The following ACTR3C variants were observed in gnomAD, a reference collection of about 807,000 sequenced individuals.
The protein encoded by ACTR3C is actin-related protein 3C.
In ACTR3C, 18 loss-of-function variants were observed where a neutral mutation model predicts 26.3. The ratio of observed to expected loss-of-function variants is 0.68; its 90% CI spans 0.47 to 1.01. The LOEUF is 1.01. Among genes scored for constraint, ACTR3C ranks in the 50% least tolerant of loss-of-function variants. The pLI, the probability that ACTR3C is intolerant of heterozygous loss-of-function variation, is 0.00. For synonymous variants in ACTR3C, 55 were observed against 94.5 expected (o/e 0.58, Z 2.42); for missense variants, 184 against 250.7 (o/e 0.73, Z 1.80).
the ACTR3C span, among the ~76,000 whole-genome samples, chr7:150,138,546 A>C: frequency 6.6e-6 from 1 of 152,230 alleles, no homozygotes; most frequent in Admixed American, 6.5e-5. Context: ...GGCTCTTGTA[A>C]GATAAAGTCT....
At chr7:150,022,397 TA>T in the ACTR3C span, among the ~76,000 whole-genome samples, 2 of 151,524 alleles carry the variant, frequency 1.3e-5, no homozygotes, top group Non-Finnish European at 2.9e-5. Flanking sequence ...AGTTTGCAAA[TA>T]TTTTCTCCCG....
chr7:150,174,040 G>A, the ACTR3C span, among the ~76,000 whole-genome samples: 2 of 140,312 alleles, frequency 1.4e-5, no homozygotes, highest in Non-Finnish European at 3.0e-5. Context: ...ACATTTTCCT[G>A]TCTTCTTCTG....
At chr7:149,969,526 A>G in the ACTR3C span, among the ~76,000 whole-genome samples, 3 of 152,104 alleles carry the variant, frequency 2.0e-5, no homozygotes, top group African/African-American at 7.2e-5. Flanking sequence ...CCTTTTCTTG[A>G]CTACATTTCC....
chr7:149,928,166 A>G, the ACTR3C span, among the ~76,000 whole-genome samples: 1 of 151,816 alleles, frequency 6.6e-6, no homozygotes, highest in East Asian at 1.9e-4. Flanking sequence ...CAGGCAAAAA[A>G]TACAAAAAGA....
chr7:150,040,074 C>T, the ACTR3C span, among the ~76,000 whole-genome samples: 27 of 139,946 alleles, frequency 1.9e-4, 1 homozygote, highest in South Asian at 6.4e-4. Flanking sequence ...CCCCCCACTG[C>T]GATGGGAGTC....
chr7:149,973,015 T>A, the ACTR3C span, among the ~76,000 whole-genome samples: 6,832 of 151,636 alleles, frequency 0.045, 379 homozygotes, highest in African/African-American at 0.14. Context: ...GTCTGTCCCA[T>A]GTAATCATAG....
the ACTR3C span, among the ~76,000 whole-genome samples, chr7:150,023,306 G>GATACATAC: frequency 2.6e-3 from 126 of 48,578 alleles, 5 homozygotes; most frequent in African/African-American, 8.0e-3. Flanking sequence ...TAGATAGATA[G>GATACATAC]ATAGATAGAT....
chr7:150,314,614 C>T (rs1214492440), intron 1 of ACTR3C, among the ~76,000 whole-genome samples: 2 of 151,926 alleles, frequency 1.3e-5, no homozygotes, highest in Non-Finnish European at 2.9e-5. Context: ...TATTTTTGTG[C>T]TTTTCTAGAT....
the ACTR3C span, among the ~76,000 whole-genome samples, chr7:150,182,237 G>A: frequency 6.6e-6 from 1 of 150,514 alleles, no homozygotes; most frequent in Non-Finnish European, 1.5e-5. Context: ...TGATTACTGT[G>A]GATTTGTTAG....
At chr7:150,286,921 T>C (rs2531071) in intron 4 of ACTR3C, among the ~76,000 whole-genome samples, 26,919 of 151,184 alleles carry the variant, frequency 0.18, 3,212 homozygotes, top group African/African-American at 0.32. Flanking sequence ...ACTGGACCAG[T>C]GGACCCGTGC....
the ACTR3C span, among the ~76,000 whole-genome samples, chr7:150,199,767 A>C: frequency 7.1e-6 from 1 of 141,282 alleles, no homozygotes; most frequent in Admixed American, 7.0e-5. Context: ...GGAGGTCCTG[A>C]CCAAGATTGT....
chr7:150,125,477 G>A, the ACTR3C span, among the ~76,000 whole-genome samples: 1 of 151,222 alleles, frequency 6.6e-6, no homozygotes, highest in Non-Finnish European at 1.5e-5. Context: ...CTGTGGGGGT[G>A]GGTGGGGGGT....
the ACTR3C span, among the ~76,000 whole-genome samples, chr7:150,147,414 A>G: frequency 6.6e-6 from 1 of 152,220 alleles, no homozygotes; most frequent in Non-Finnish European, 1.5e-5. Context: ...CCTGAAAGAA[A>G]TACTGATCAA....
At chr7:150,196,678 T>C in the ACTR3C span, among the ~76,000 whole-genome samples, 3 of 152,222 alleles carry the variant, frequency 2.0e-5, no homozygotes, top group African/African-American at 7.2e-5. Context: ...AGTTTTGCGC[T>C]TGGAAATTGG....
the ACTR3C span, among the ~76,000 whole-genome samples, chr7:150,035,134 C>G: frequency 7.1e-6 from 1 of 140,944 alleles, no homozygotes; most frequent in Non-Finnish European, 1.6e-5. Context: ...TCCTAAGGAT[C>G]TTAGGATCAA....
At chr7:150,036,009 CCCAGCGA>C in the ACTR3C span, among the ~76,000 whole-genome samples, 1 of 124,258 alleles carries the variant, frequency 8.0e-6, no homozygotes, top group South Asian at 2.3e-4. Flanking sequence ...TGCCTCCGCC[CCCAGCGA>C]TGGGGTCCTA....
At chr7:150,105,402 A>T in the ACTR3C span, among the ~76,000 whole-genome samples, 1 of 151,928 alleles carries the variant, frequency 6.6e-6, no homozygotes, top group South Asian at 2.1e-4. Context: ...TTCTTAAAGG[A>T]ACTCACGGGA....
the ACTR3C span, among the ~76,000 whole-genome samples, chr7:150,160,087 A>G: frequency 2.0e-5 from 3 of 152,096 alleles, no homozygotes; most frequent in African/African-American, 7.2e-5. Context: ...GAGCCACTGC[A>G]CCCAGCCTAA....
At chr7:150,037,148 G>T in the ACTR3C span, among the ~76,000 whole-genome samples, 7 of 69,138 alleles carry the variant, frequency 1.0e-4, no homozygotes, top group African/African-American at 3.8e-4. Context: ...GCCTCGTGGG[G>T]GGTGCCTCCC....
Sources: gnomAD v4.1 joint callset for allele counts (sites outside exome capture counted in the v4.1 genomes callset) on GRCh38, gnomAD v4.1.1 for gene constraint, MANE v1.5 for transcripts, NCBI Gene and HGNC (gene_info 2026-07-23, HGNC 2026-07-21) for gene names.